GRK5: variants seen among roughly 807,000 people sequenced by gnomAD.
GRK5 encodes G protein-coupled receptor kinase 5, also known as g protein-coupled receptor kinase GRK5.
A neutral mutation model predicts 78.4 loss-of-function variants in GRK5; 40 were observed. That is an observed-to-expected ratio of 0.51 (90% CI 0.40 to 0.66). GRK5 has a LOEUF of 0.66. GRK5 is among the 30% of genes least tolerant of loss of function. The pLI is 0.00. For missense variants in GRK5, 598 were observed against 759.9 expected, an observed-to-expected ratio of 0.79 and a Z score of 2.50; for synonymous variants, 289 against 296.8, an observed-to-expected ratio of 0.97 and a Z score of 0.27.
intron 8 of GRK5, among the ~76,000 whole-genome samples, 174 bp from the exon 9 acceptor site, chr10:119,436,477 C>T (rs11815262): frequency 0.014 from 2,085 of 152,338 alleles, 51 homozygotes; most frequent in African/African-American, 0.048. Context: ...GTGTGAGCCC[C>T]TTATCAGCCA....
Position 119,285,681 on chromosome 10 carries a change from A to C in GRK5, c.53-40835A>C, listed in dbSNP as rs116727518. ...AAAGCCCGCACTGGGTGATGCAGAA[A>C]TGGGGCGGTGACACGGTAAAAGGAG... On this transcript the variant is annotated intron_variant, in intron 1 of 15. Transcript: ENST00000392870. 3.2e-3 allele frequency among the ~76,000 whole-genome samples: 482 copies of C among 152,264 alleles called. 1 individual carries two copies. Among genetic ancestry groups the C allele is most frequent in the African/African-American group, 0.011 (446 of 41,556 alleles).
intron 2 of GRK5, among the ~76,000 whole-genome samples, chr10:119,327,792 A>G (rs1850704924): frequency 6.6e-6 from 1 of 152,210 alleles, no homozygotes; most frequent in Non-Finnish European, 1.5e-5. Context: ...GACGGCAGAC[A>G]TGAGCAGGTG....
chr10:119,413,919 C>T (rs920565112), intron 4 of GRK5, among the ~76,000 whole-genome samples: 3 of 152,288 alleles, frequency 2.0e-5, no homozygotes, highest in Admixed American at 1.3e-4. Context: ...CCAGGCTTCC[C>T]GTAGCTGACG....
Position 119,430,483 on chromosome 10 carries a change from G to C in GRK5, c.597+45G>C, listed in dbSNP as rs931403625. ...TTTAATTGAAAGTTCTTACATTCAAGTCACCTTTCCTGTCCCTTCTAAATC... is the reference window on the plus strand; with the variant it reads ...TTTAATTGAAAGTTCTTACATTCAACTCACCTTTCCTGTCCCTTCTAAATC... On this transcript the variant is annotated intron_variant, in intron 7 of 15. Transcript: ENST00000392870. The surrounding 1 kb of genome is among the most constrained non-coding windows in gnomAD (Gnocchi z 4.5). The C allele has an allele frequency of 2.6e-6, 4 of 1,554,222 alleles. No homozygotes were observed. The highest frequency in any genetic ancestry group is 1.4e-5 in the African/African-American group (1 of 73,708).
intron 1 of GRK5, among the ~76,000 whole-genome samples, chr10:119,307,688 T>C (rs1193548284): frequency 6.6e-6 from 1 of 152,150 alleles, no homozygotes; most frequent in Non-Finnish European, 1.5e-5. Context: ...TTTGTGTCTA[T>C]AGCACTCCAT....
In GRK5 at chr10:119,300,705, G is replaced by A. The variant is rs192947452; in HGVS notation, c.53-25811G>A. 3.9e-5 allele frequency among the ~76,000 whole-genome samples: 6 copies of A among 152,320 alleles called. No homozygotes were observed. The South Asian group carries it at 6.2e-4, about 16-fold the overall frequency. On this transcript the variant is annotated intron_variant, in intron 1 of 15. Transcript: ENST00000392870. ...CAGTAGCACTTGTATTTTAAGAGGT[G>A]AGTCCTTCTATGAATATCTTGACCT...
intron 1 of GRK5, among the ~76,000 whole-genome samples, chr10:119,269,467 G>T (rs555789229): frequency 2.0e-5 from 3 of 152,074 alleles, no homozygotes; most frequent in African/African-American, 7.2e-5. Context: ...TGAGGCTTCC[G>T]TGGGTAGGCC....
intron 1 of GRK5, among the ~76,000 whole-genome samples, chr10:119,256,186 C>T (rs1849280313): frequency 6.6e-6 from 1 of 152,118 alleles, no homozygotes; most frequent in African/African-American, 2.4e-5. Flanking sequence ...CCAGAGCCAC[C>T]CTCTCGCTGC....
chr10:119,282,640 C>G (rs1849780927), intron 1 of GRK5, among the ~76,000 whole-genome samples: 1 of 152,180 alleles, frequency 6.6e-6, no homozygotes, highest in Non-Finnish European at 1.5e-5. Flanking sequence ...AGGTTTCTCC[C>G]CAGAGCCTGA....
At position 119,345,885 on chromosome 10, in the gene GRK5, T is replaced by C. The variant is rs112580162; in HGVS notation, c.148+19274T>C. Among the ~76,000 whole-genome samples the C allele has an allele frequency of 2.6e-3, 403 of 152,134 alleles. 4 individuals are homozygous for C. The highest frequency in any genetic ancestry group is 9.0e-3 in the African/African-American group (373 of 41,482). ...ACTGCATAAACAGAAAAAAACAGAT[T>C]TTCTTCTTGCTTCTAGGTCTTTGGT... On this transcript the variant is annotated intron_variant, in intron 2 of 15. Coordinates refer to ENST00000392870, the MANE Select transcript of GRK5 (RefSeq NM_005308.3).
chr10:119,433,534 A>G (rs117524853), intron 8 of GRK5, among the ~76,000 whole-genome samples: 2 of 152,284 alleles, frequency 1.3e-5, no homozygotes, highest in East Asian at 3.9e-4. Context: ...TCACCTGGGC[A>G]GATGTGGGAG....
chr10:119,281,107 C>T (rs1217395041), intron 1 of GRK5, among the ~76,000 whole-genome samples: 1 of 150,860 alleles, frequency 6.6e-6, no homozygotes, highest in Non-Finnish European at 1.5e-5. Flanking sequence ...GGTAAAGCCT[C>T]AGGGCCGGCC....
chr10:119,355,751 A>G (rs35519807), intron 2 of GRK5, among the ~76,000 whole-genome samples: 16 of 151,978 alleles, frequency 1.1e-4, no homozygotes, highest in South Asian at 2.1e-4. Flanking sequence ...CTGCACTCCA[A>G]CAGCTTGGGT....
intron 1 of GRK5, among the ~76,000 whole-genome samples, chr10:119,272,147 C>T (rs928670): frequency 0.51 from 77,471 of 152,054 alleles, 20,089 homozygotes; most frequent in East Asian, 0.73. Flanking sequence ...GACCCTGTGC[C>T]GGCTGAATCG....
chr10:119,377,498 G>A (rs73435034), intron 2 of GRK5, among the ~76,000 whole-genome samples: 2,082 of 152,264 alleles, frequency 0.014, 31 homozygotes, highest in African/African-American at 0.03. Flanking sequence ...CTTGATTTGA[G>A]GTGAAGAAAG....
At chr10:119,291,552 C>CTCT (rs1849956503) in intron 1 of GRK5, among the ~76,000 whole-genome samples, 1 of 146,250 alleles carries the variant, frequency 6.8e-6, no homozygotes, top group Non-Finnish European at 1.5e-5. Context: ...CCTCCTCCTC[C>CTCT]TCTTCCTCCT....
At chr10:119,318,792 G>C (rs1007129166) in intron 1 of GRK5, among the ~76,000 whole-genome samples, 2 of 151,940 alleles carry the variant, frequency 1.3e-5, no homozygotes, top group Admixed American at 6.6e-5. Flanking sequence ...GTTCATTTCA[G>C]CCCCTGCCTT....
rs182303957 is a variant in GRK5, at chr10:119,435,114, G to A, written c.739-1537G>A. On this transcript the variant is annotated intron_variant, in intron 8 of 15. Transcript: ENST00000392870. ...CAAGTCCCTTGGCTGCACACAGCACGGGGACCCTGGACTCAGCCCGTGAAA... is the reference window on the plus strand; with the variant it reads ...CAAGTCCCTTGGCTGCACACAGCACAGGGACCCTGGACTCAGCCCGTGAAA... Among the ~76,000 whole-genome samples the A allele has an allele frequency of 4.1e-4, 62 of 152,296 alleles. 1 individual carries two copies. The highest frequency in any genetic ancestry group is 1.3e-3 in the African/African-American group (53 of 41,570).
At chr10:119,280,057 C>T (rs1030384525) in intron 1 of GRK5, among the ~76,000 whole-genome samples, 10 of 152,110 alleles carry the variant, frequency 6.6e-5, no homozygotes, top group African/African-American at 2.2e-4. Context: ...TACAAGAGAA[C>T]TGTGGTATTG....
Sources: gnomAD v4.1 joint callset for allele counts (sites outside exome capture counted in the v4.1 genomes callset) on GRCh38, gnomAD v4.1.1 for gene constraint, Gnocchi (gnomAD v3.1) non-coding constraint, MANE v1.5 for transcripts, NCBI Gene and HGNC (gene_info 2026-07-23, HGNC 2026-07-21) for gene names.